ARHGEF28: variants seen among roughly 807,000 people sequenced by gnomAD.
ARHGEF28 encodes Rho guanine nucleotide exchange factor 28.
In ARHGEF28, 152 loss-of-function variants were observed where a neutral mutation model predicts 206.6. The observed-to-expected ratio is 0.74, with a 90% CI of 0.64 to 0.84. The LOEUF (loss-of-function observed/expected upper bound fraction) is 0.84, where lower values mean the gene tolerates loss of function less well. Among genes scored for constraint, ARHGEF28 ranks in the 40% least tolerant of loss-of-function variants. The probability of loss-of-function intolerance (pLI) is 0.00; values close to 1 mark genes in which losing one functional copy is unlikely to be tolerated. For synonymous variants in ARHGEF28, 763 were observed against 776.4 expected (o/e 0.98, Z 0.29); for missense variants, 2,028 against 2,073.2 (o/e 0.98, Z 0.42).
chr5:73,741,379 GTGTGTGTATATATATATA>G (rs1751396666), intron 2 of ARHGEF28, among the ~76,000 whole-genome samples: 10 of 37,634 alleles, frequency 2.7e-4, no homozygotes, highest in African/African-American at 7.1e-4. Context: ...GTGTGTGTGT[GTGTGTGTATATATATATA>G]TATATATATA....
intron 12 of ARHGEF28, among the ~76,000 whole-genome samples, chr5:73,848,648 T>G (rs557334085): frequency 2.6e-5 from 4 of 152,118 alleles, no homozygotes; most frequent in Non-Finnish European, 5.9e-5. Context: ...ACACCTCAGG[T>G]AAAAATAATA....
chr5:73,883,723 A>T, intron 23 of ARHGEF28, 44 bp from the exon 24 acceptor site: 1 of 1,292,428 alleles, frequency 7.7e-7, no homozygotes, highest in Non-Finnish European at 1.1e-6. Context: ...CTGAAAAGTA[A>T]ATACAGGTAG....
intron 1 of ARHGEF28, among the ~76,000 whole-genome samples, chr5:73,677,027 A>G (rs1257311049): frequency 6.6e-6 from 1 of 152,238 alleles, no homozygotes; most frequent in Non-Finnish European, 1.5e-5. Flanking sequence ...TATTTACACC[A>G]TTCAGTAACA....
chr5:73,668,544 G>A (rs547628780), intron 1 of ARHGEF28, among the ~76,000 whole-genome samples: 10 of 152,170 alleles, frequency 6.6e-5, no homozygotes, highest in South Asian at 4.1e-4. Flanking sequence ...ACCTCTTAAA[G>A]GTTCCACTTG....
At chr5:73,779,156 T>G (rs1290135551) in intron 6 of ARHGEF28, among the ~76,000 whole-genome samples, 1 of 152,224 alleles carries the variant, frequency 6.6e-6, no homozygotes, top group Non-Finnish European at 1.5e-5. Flanking sequence ...ACATTTCAAT[T>G]GACAGTGATG....
At chr5:73,811,722 C>T (rs949716668) in intron 9 of ARHGEF28, among the ~76,000 whole-genome samples, 11 of 152,178 alleles carry the variant, frequency 7.2e-5, no homozygotes, top group African/African-American at 1.7e-4. Flanking sequence ...TGGTGGCTCA[C>T]GCCTGTAATC....
intron 20 of ARHGEF28, among the ~76,000 whole-genome samples, 153 bp from the exon 21 acceptor site, chr5:73,869,916 A>AG (rs1759985931): frequency 6.6e-6 from 1 of 150,770 alleles, no homozygotes; most frequent in Admixed American, 6.6e-5. Context: ...AAAAAAAAAC[A>AG]GATGTTTCAC....
intron 35 of ARHGEF28, among the ~76,000 whole-genome samples, chr5:73,918,169 G>C (rs979977413): frequency 1.3e-5 from 2 of 152,182 alleles, no homozygotes; most frequent in African/African-American, 4.8e-5. Context: ...TCTGTCTTAG[G>C]GGGTGGCACG....
Position 73,874,989 on chromosome 5 carries a change from G to A in ARHGEF28, c.2814+1743G>A, listed in dbSNP as rs548795194. Among the ~76,000 whole-genome samples the A allele has an allele frequency of 6.8e-4, 104 of 151,944 alleles. 1 individual carries two copies. The highest frequency in any genetic ancestry group is 3.4e-3 in the Middle Eastern group (1 of 294). On this transcript the variant is annotated intron_variant, in intron 22 of 35. Transcript: ENST00000513042. ...TGTAGTTCTAGATCCCTGAGGAATC[G>A]CCACACTGACTTCCACAATGGTTGA...
chr5:73,899,190 G>A (rs1393120458), intron 30 of ARHGEF28: 4 of 152,126 alleles, frequency 2.6e-5, no homozygotes, highest in Non-Finnish European at 5.9e-5. Flanking sequence ...TTCATCAGGG[G>A]AGTTGTACTG....
At chr5:73,832,237 A>C (rs1027024113) in intron 9 of ARHGEF28, 101 bp from the exon 10 acceptor site, 2 of 1,397,904 alleles carry the variant, frequency 1.4e-6, no homozygotes, top group Non-Finnish European at 1.9e-6. Flanking sequence ...CCTCTTAAAA[A>C]ATGCACTTGA....
In ARHGEF28 at chr5:73,938,931, C is replaced by CTTTTT. The variant is rs200516722; in HGVS notation, c.4949-1901_4949-1897dup. 5.0e-5 allele frequency among the ~76,000 whole-genome samples: 6 copies of CTTTTT among 120,612 alleles called. No homozygotes were observed. The East Asian group carries it at 1.2e-3, about 24-fold the overall frequency. 79.1% of individuals were successfully genotyped at this position (120,612 alleles called of 152,430 possible). On this transcript the variant is annotated intron_variant, in intron 35 of 35. Transcript: ENST00000513042. Reference sequence around the variant, plus strand: ...TTTGAGAAGCTTAACATTAATATGTCTTTTTTTTTTTTTTTTGCCTTTGCT... The same window carrying CTTTTT: ...TTTGAGAAGCTTAACATTAATATGTCTTTTTTTTTTTTTTTTTTTTTGCCTTTGCT...
At chr5:73,641,973 A>G (rs1196126170) in intron 1 of ARHGEF28, among the ~76,000 whole-genome samples, 1 of 152,218 alleles carries the variant, frequency 6.6e-6, no homozygotes, top group African/African-American at 2.4e-5. Context: ...TAAGGGAACT[A>G]AGGAGCTGAG....
chr5:73,851,075 T>G (rs1758664180), intron 13 of ARHGEF28, among the ~76,000 whole-genome samples: 1 of 152,198 alleles, frequency 6.6e-6, no homozygotes, highest in African/African-American at 2.4e-5. Flanking sequence ...TTTATCTGTG[T>G]TTATGTAATC....
chr5:73,687,283 G>A (rs1235747622), intron 2 of ARHGEF28, among the ~76,000 whole-genome samples: 2 of 151,464 alleles, frequency 1.3e-5, no homozygotes, highest in Non-Finnish European at 2.9e-5. Context: ...AAAATTCTAG[G>A]TAATTAAAAA....
At chr5:73,927,584 C>T (rs1400855430) in intron 35 of ARHGEF28, among the ~76,000 whole-genome samples, 1 of 152,146 alleles carries the variant, frequency 6.6e-6, no homozygotes, top group African/African-American at 2.4e-5. Context: ...GCCTGAGACT[C>T]CTGGGTTCAA....
intron 22 of ARHGEF28, among the ~76,000 whole-genome samples, chr5:73,875,092 C>T (rs908585852): frequency 4.5e-4 from 66 of 147,356 alleles, no homozygotes; most frequent in African/African-American, 1.6e-3. Context: ...TGTTTCCTGA[C>T]TTTTTAATGA....
intron 10 of ARHGEF28, among the ~76,000 whole-genome samples, chr5:73,835,921 G>A (rs1757602436): frequency 6.6e-6 from 1 of 152,178 alleles, no homozygotes; most frequent in Non-Finnish European, 1.5e-5. Flanking sequence ...CATGTCGGGG[G>A]AAAACCCCAC....
At chr5:73,894,259 C>A in intron 28 of ARHGEF28, 134 bp from the exon 29 acceptor site, 1 of 818,950 alleles carries the variant, frequency 1.2e-6, no homozygotes, top group South Asian at 1.8e-5. Context: ...CCTGCATCTG[C>A]CCCACTCATC....
Sources: gnomAD v4.1 joint callset for allele counts (sites outside exome capture counted in the v4.1 genomes callset) on GRCh38, gnomAD v4.1.1 for gene constraint, MANE v1.5 for transcripts, NCBI Gene and HGNC (gene_info 2026-07-23, HGNC 2026-07-21) for gene names.